Variants in LRIF1 observed in about 807,000 individuals in gnomAD.
The protein encoded by LRIF1 is ligand dependent nuclear receptor interacting factor 1.
Under a neutral mutation model 52.7 loss-of-function variants are expected in LRIF1, and 32 were observed. The observed-to-expected ratio is 0.61, with a 90% CI of 0.46 to 0.82. The LOEUF is 0.82. Ranked by LOEUF, LRIF1 falls within the 40% of genes least tolerant of loss-of-function variation. The pLI is 0.00. For missense variants in LRIF1, 887 were observed against 892.0 expected (o/e 0.99, Z 0.07); for synonymous variants, 323 against 317.4 (o/e 1.02, Z -0.19).
chr1:110,945,905 G>A (rs1658194218), downstream of LRIF1, among the ~76,000 whole-genome samples: 1 of 152,110 alleles, frequency 6.6e-6, no homozygotes, highest in Admixed American at 6.5e-5. Context: ...ATGTGGTGTG[G>A]GGAGAGCAAA....
At chr1:110,879,781 T>C in the LRIF1 span, among the ~76,000 whole-genome samples, 1 of 152,144 alleles carries the variant, frequency 6.6e-6, no homozygotes, top group Non-Finnish European at 1.5e-5. Context: ...TTGTTCAGGC[T>C]GGTCTTAAAC....
At chr1:110,892,801 T>C in the LRIF1 span, 1 of 356,206 alleles carries the variant, frequency 2.8e-6, no homozygotes, top group Non-Finnish European at 5.1e-6. Context: ...AATTCCCCTT[T>C]ATAGCATTTT....
chr1:110,915,538 A>C, the LRIF1 span, among the ~76,000 whole-genome samples: 1 of 150,284 alleles, frequency 6.7e-6, no homozygotes, highest in Non-Finnish European at 1.5e-5. Flanking sequence ...ATGTTCAAAA[A>C]TGTACAAAAC....
At chr1:110,953,926 T>A (rs1207075672) in intron 1 of LRIF1, among the ~76,000 whole-genome samples, 1 of 152,196 alleles carries the variant, frequency 6.6e-6, no homozygotes, top group African/African-American at 2.4e-5. Context: ...ATGGTATATA[T>A]CATAGATTGT....
At chr1:110,881,678 G>C in the LRIF1 span, among the ~76,000 whole-genome samples, 1 of 152,154 alleles carries the variant, frequency 6.6e-6, no homozygotes, top group East Asian at 1.9e-4. Context: ...TGTACAAAAC[G>C]AGCAAACTGC....
the LRIF1 span, among the ~76,000 whole-genome samples, chr1:110,879,432 A>G: frequency 6.6e-6 from 1 of 152,258 alleles, no homozygotes; most frequent in Non-Finnish European, 1.5e-5. Context: ...TGTGTTCCAC[A>G]GAATACTATG....
the LRIF1 span, among the ~76,000 whole-genome samples, chr1:110,913,127 A>G: frequency 6.6e-6 from 1 of 152,232 alleles, no homozygotes; most frequent in African/African-American, 2.4e-5. Flanking sequence ...TATACACAAG[A>G]CTGAAACTGG....
chr1:110,957,929 A>C (rs1658773825), intron 1 of LRIF1, among the ~76,000 whole-genome samples: 1 of 152,150 alleles, frequency 6.6e-6, no homozygotes, highest in Non-Finnish European at 1.5e-5. Context: ...CATCATTGTG[A>C]CTTCCACCAT....
the LRIF1 span, among the ~76,000 whole-genome samples, chr1:110,902,502 A>G: frequency 4.8e-5 from 7 of 145,562 alleles, no homozygotes; most frequent in African/African-American, 1.7e-4. Context: ...CACTAAAAAA[A>G]AAAAAAAAAA....
Position 110,951,775 on chromosome 1 carries a change from T to G in LRIF1, c.1109A>C (p.Lys370Thr), listed in dbSNP as rs747040412. The G allele has an allele frequency of 6.2e-6, 10 of 1,612,424 alleles. No individual in the cohort carries two copies. The highest frequency in any genetic ancestry group is 7.6e-6 in the Non-Finnish European group (9 of 1,179,978). ...FNGKVYLLAK[K>T]GTDVLPSQID... ...TTGTGATGGCAGAACATCTGTCCCC[T>G]TTTTAGCCAACAGATAGACTTTCCC... is the stretch of plus-strand genomic sequence containing the variant. The change falls in exon 2 of 4, where the codon AAG (lysine) becomes ACG (threonine). Residue 370 changes from lysine to threonine, a missense_variant. By Grantham distance (78) the Lys-to-Thr change is moderately conservative. Transcript: ENST00000369763.
At chr1:110,894,216 G>C in the LRIF1 span, 1 of 867,318 alleles carries the variant, frequency 1.2e-6, no homozygotes, top group Non-Finnish European at 1.9e-6. Flanking sequence ...TGAGGAGGCA[G>C]AACAGGAACA....
At chr1:110,882,257 T>C in the LRIF1 span, among the ~76,000 whole-genome samples, 1 of 152,178 alleles carries the variant, frequency 6.6e-6, no homozygotes. Flanking sequence ...CATCACTAGT[T>C]ACGATTTCGT....
At position 110,951,292 on chromosome 1, in the gene LRIF1, G is replaced by T. The variant is rs765750604; in HGVS notation, c.1592C>A (p.Pro531Gln). The T allele has an allele frequency of 4.4e-6, 7 of 1,605,118 alleles. No individual in the cohort carries two copies. The highest frequency in any genetic ancestry group is 5.1e-6 in the Non-Finnish European group (6 of 1,176,482). ...SQQCVFRDQE[P>Q]KIHNEMASTS... is the part of the protein sequence containing the mutation. ...ACCCTGACATGGGAAAATTACCTTTGGTTCTTGGTCTCTGAAAACACACTG... is the reference window on the plus strand; with the variant it reads ...ACCCTGACATGGGAAAATTACCTTTTGTTCTTGGTCTCTGAAAACACACTG... Residue 531 changes from proline to glutamine, a missense_variant, in exon 2 of 4, where the codon CCA (proline) becomes CAA (glutamine). By Grantham distance (76) the Pro-to-Gln change is moderately conservative (BLOSUM62 -1). Coordinates refer to ENST00000369763, the MANE Select transcript of LRIF1 (RefSeq NM_018372.4).
the LRIF1 span, chr1:110,897,957 T>G: frequency 1.2e-6 from 1 of 847,080 alleles, no homozygotes; most frequent in African/African-American, 1.7e-5. Context: ...GATTTCAGAA[T>G]AATACCAGGT....
chr1:110,917,947 A>T, the LRIF1 span, among the ~76,000 whole-genome samples: 89,745 of 151,484 alleles, frequency 0.59, 27,079 homozygotes, highest in East Asian at 0.84. Context: ...AGAAATTAAA[A>T]ACATTAGTTT....
the LRIF1 span, among the ~76,000 whole-genome samples, chr1:110,927,269 T>C: frequency 6.6e-6 from 1 of 152,162 alleles, no homozygotes; most frequent in Admixed American, 6.6e-5. Context: ...TCTGTATGTG[T>C]GTGTAAAGTA....
At chr1:110,934,978 G>A in the LRIF1 span, among the ~76,000 whole-genome samples, 4 of 152,180 alleles carry the variant, frequency 2.6e-5, no homozygotes, top group Non-Finnish European at 4.4e-5. Flanking sequence ...GCTTTAGGTG[G>A]TTCAGGACAG....
chr1:110,944,641 GTGAAA>G (rs1658161334), downstream of LRIF1: 1 of 152,166 alleles, frequency 6.6e-6, no homozygotes, highest in East Asian at 1.9e-4. Context: ...TCTTTCAGAA[GTGAAA>G]TGAAAGTATA....
At chr1:110,941,297 C>T in the LRIF1 span, 38 of 152,062 alleles carry the variant, frequency 2.5e-4, no homozygotes, top group East Asian at 6.9e-3. Flanking sequence ...AATCTGTCTA[C>T]ATTTATATTA....
Sources: allele counts gnomAD v4.1 joint callset (sites outside exome capture counted in the v4.1 genomes callset), GRCh38; gene constraint gnomAD v4.1.1; transcripts MANE v1.5; gene names NCBI Gene and HGNC (gene_info 2026-07-23, HGNC 2026-07-21).